Variants in PSMD13 observed in about 807,000 individuals in gnomAD.
PSMD13 encodes the protein proteasome 26S subunit, non-ATPase 13, also known as 26S proteasome non-ATPase regulatory subunit 13.
Under a neutral mutation model 57.4 loss-of-function variants are expected in PSMD13, and 8 were observed. That is an observed-to-expected ratio of 0.14 (90% confidence interval 0.08 to 0.25). PSMD13 has a LOEUF of 0.25. Among genes scored for constraint, PSMD13 ranks in the 10% least tolerant of loss-of-function variants. The pLI is 1.00. For synonymous variants in PSMD13, 193 were observed against 168.2 expected (o/e 1.15, Z -1.14); for missense variants, 400 against 461.5 (o/e 0.87, Z 1.22).
intron 9 of PSMD13, among the ~76,000 whole-genome samples, chr11:249,736 T>C (rs1227477147): frequency 2.0e-5 from 3 of 152,158 alleles, no homozygotes; most frequent in Admixed American, 1.3e-4. Context: ...CAACAAGGGC[T>C]TGAGCTTTAA....
chr11:251,556 C>T lies in PSMD13; in HGVS notation c.848C>T (p.Thr283Ile), dbSNP rs1300883920. The change falls in exon 11 of 13, where the codon ACA (threonine) becomes ATA (isoleucine). Residue 283 changes from threonine (T) to isoleucine (I), a missense_variant. Physicochemically the swap from Thr to Ile is moderately conservative, Grantham distance 89. Transcript: ENST00000532097. This position sits in a 1 kb window ranked among gnomAD's most constrained non-coding sequence, Gnocchi z 4.6. ...QLLCLMEMTF[T>I]RPANHRQLTF... ...TAAAATTTTTTCCAGATGACTTTCACACGACCTGCCAATCACAGACAACTC... is the reference window on the plus strand; with the variant it reads ...TAAAATTTTTTCCAGATGACTTTCATACGACCTGCCAATCACAGACAACTC... 2 of 1,613,312 alleles carry T rather than the reference C, an allele frequency of 1.2e-6. No homozygotes were observed. The highest frequency in any genetic ancestry group is 1.7e-6 in the Non-Finnish European group (2 of 1,179,536).
At chr11:243,629 G>A in intron 2 of PSMD13, 2 of 372,604 alleles carry the variant, frequency 5.4e-6, no homozygotes, top group Non-Finnish European at 1.0e-5. Context: ...GGACCACACG[G>A]CAGCGCAGGC....
chr11:241,793 TCA>T (rs1412571199), intron 2 of PSMD13, among the ~76,000 whole-genome samples: 1 of 152,204 alleles, frequency 6.6e-6, no homozygotes, highest in African/African-American at 2.4e-5. Context: ...CTGTTCTCTC[TCA>T]GTCTCTTTCA....
chr11:251,470 T>C lies in PSMD13; in HGVS notation c.838-76T>C. 1.5e-6 allele frequency: 2 copies of C among 1,307,424 alleles called. No individual in the cohort carries two copies. The highest frequency in any genetic ancestry group is 2.1e-6 in the Non-Finnish European group (2 of 934,000). The allele number at this position is 1,307,424 out of a possible 1,614,324, so 81.0% of individuals were successfully genotyped here. On this transcript the variant is annotated intron_variant, in intron 10 of 12. Transcript: ENST00000532097. The surrounding 1 kb of genome is among the most constrained non-coding windows in gnomAD (Gnocchi z 4.6). ...AAGATCTCTATTTTCAGAGCCAATA[T>C]TGACAAAACATCCTTATCAGTTCTC...
Position 251,515 on chromosome 11 carries a change from A to G in PSMD13, c.838-31A>G, listed in dbSNP as rs1454804576. ...GTTCTCTATTTTTATTTGGAAAAATAGTTTAAAATAGTTAATAAAATTTTT... is the reference window on the plus strand; with the variant it reads ...GTTCTCTATTTTTATTTGGAAAAATGGTTTAAAATAGTTAATAAAATTTTT... On this transcript the variant is annotated intron_variant, in intron 10 of 12. Coordinates refer to ENST00000532097, the MANE Select transcript of PSMD13 (RefSeq NM_002817.4). This position sits in a 1 kb window ranked among gnomAD's most constrained non-coding sequence, Gnocchi z 4.6. 2.6e-6 allele frequency: 4 copies of G among 1,532,784 alleles called. No homozygotes were observed. The highest frequency in any genetic ancestry group is 3.6e-6 in the Non-Finnish European group (4 of 1,114,220). 94.9% of individuals were successfully genotyped at this position (1,532,784 alleles called of 1,614,324 possible).
chr11:251,995 C>A lies in PSMD13; in HGVS notation c.1035+59C>A. On this transcript the variant is annotated intron_variant, in intron 12 of 12. Coordinates refer to ENST00000532097, the MANE Select transcript of PSMD13 (RefSeq NM_002817.4). This position sits in a 1 kb window ranked among gnomAD's most constrained non-coding sequence, Gnocchi z 4.6. ...GGATTTTGAGGGGTTGTGTCTATAC[C>A]GTCTTAGTTTCATTTGGATGGAAGC... is the stretch of plus-strand genomic sequence containing the variant. The A allele has an allele frequency of 6.8e-7, 1 of 1,472,944 alleles. No individual in the cohort carries two copies. Among genetic ancestry groups the A allele is most frequent in the South Asian group, 1.2e-5 (1 of 84,108 alleles). The allele number at this position is 1,472,944 out of a possible 1,614,324, so 91.2% of individuals were successfully genotyped here. A position where few individuals can be genotyped will look rare whatever the true frequency, so the allele number is the denominator to read the frequency against.
chr11:238,502 C>T (rs931296701), intron 1 of PSMD13, among the ~76,000 whole-genome samples: 1 of 152,172 alleles, frequency 6.6e-6, no homozygotes, highest in African/African-American at 2.4e-5. Flanking sequence ...TTTAGTATCC[C>T]TTATCAGAAA....
rs955257418 is a variant in PSMD13 at position 251,698 on chromosome 11, C to T, written c.918+72C>T. The T allele has an allele frequency of 5.8e-6, 9 of 1,543,588 alleles. No homozygotes were observed. Among genetic ancestry groups the T allele is most frequent in the East Asian group, 2.2e-5 (1 of 44,500 alleles). On this transcript the variant is annotated intron_variant, in intron 11 of 12. Transcript: ENST00000532097. This position sits in a 1 kb window ranked among gnomAD's most constrained non-coding sequence, Gnocchi z 4.6. ...GGAGGAGTCAAGGCTCTTGTGTGAGCGCTGTGCTCCCTAGACAGTAAAAAA... is the reference window on the plus strand; with the variant it reads ...GGAGGAGTCAAGGCTCTTGTGTGAGTGCTGTGCTCCCTAGACAGTAAAAAA...
At chr11:243,283 G>T in intron 2 of PSMD13, 4 of 421,764 alleles carry the variant, frequency 9.5e-6, no homozygotes, top group South Asian at 2.1e-5. Context: ...GCTGGGCCCA[G>T]ATTCTGCTTT....
intron 2 of PSMD13, among the ~76,000 whole-genome samples, chr11:241,645 T>C (rs143125283): frequency 1.3e-5 from 2 of 152,160 alleles, no homozygotes; most frequent in Admixed American, 1.3e-4. Context: ...CAGGGGTTAT[T>C]GTCAGCTCTC....
Position 250,877 on chromosome 11 carries a change from C to T in PSMD13, c.837+12C>T, listed in dbSNP as rs12793187. On this transcript the variant is annotated intron_variant, in intron 10 of 12. Coordinates refer to ENST00000532097, the MANE Select transcript of PSMD13 (RefSeq NM_002817.4). ...TGTGCCTCATGGAGGTAAGCGAACACCCAGGAGCCACTTTGTCTGTGGTTT... is the reference window on the plus strand; with the variant it reads ...TGTGCCTCATGGAGGTAAGCGAACATCCAGGAGCCACTTTGTCTGTGGTTT... 281,377 of 1,611,252 alleles carry T rather than the reference C, an allele frequency of 0.17. 27,839 individuals carry two copies. The highest frequency in any genetic ancestry group is 0.2 in the Non-Finnish European group (240,618 of 1,178,290).
At position 244,683 on chromosome 11, in the gene PSMD13, T is replaced by C; in HGVS notation, c.318T>C (p.Ser106=). 6.2e-7 allele frequency: 1 copy of C among 1,612,116 alleles called. No individual in the cohort carries two copies. Among genetic ancestry groups the C allele is most frequent in the Non-Finnish European group, 8.5e-7 (1 of 1,179,432 alleles). ...FLEKTREKVK[S]SDEAVILCKT... ...TGTTTTTGATGTCTTAGGTGAAAAG[T>C]AGTGATGAGGCAGTGATCCTGTGTA... Residue 106 remains serine (S), a synonymous_variant, in exon 6 of 13, where the codon AGT becomes AGC. Transcript: ENST00000532097.
rs761955855 is a variant in PSMD13, at chr11:244,771, C to T, written c.396+10C>T. ...CCTACAGGTTACAAAGGTGAGATCA[C>T]CATAATACAGATTTATCTTTGGTTT... On this transcript the variant is annotated intron_variant, in intron 6 of 12. Transcript: ENST00000532097. The T allele has an allele frequency of 6.4e-7, 1 of 1,560,626 alleles. No individual in the cohort carries two copies. The highest frequency in any genetic ancestry group is 1.2e-5 in the South Asian group (1 of 85,038).
intron 7 of PSMD13, chr11:248,000 C>T (rs997155116): frequency 6.5e-6 from 1 of 152,790 alleles, no homozygotes; most frequent in Non-Finnish European, 1.5e-5. Flanking sequence ...TCTCCAGTCC[C>T]TCACTGTTAC....
chr11:248,073 A>AC (rs1221100016), intron 7 of PSMD13: 1 of 88,074 alleles, frequency 1.1e-5, no homozygotes, highest in South Asian at 5.1e-4. Context: ...CTCCCCGCCC[A>AC]CCCCTCTGCT....
chr11:249,580 GC>G (rs1392260425), intron 9 of PSMD13, among the ~76,000 whole-genome samples: 8 of 95,704 alleles, frequency 8.4e-5, no homozygotes, highest in Non-Finnish European at 1.3e-4. Context: ...GAGGGGGAGA[GC>G]GGCGGGTGCG....
Position 252,039 on chromosome 11 carries a change from T to G in PSMD13, c.1035+103T>G. 1 of 1,088,240 alleles carries G rather than the reference T, an allele frequency of 9.2e-7. No individual in the cohort carries two copies. Among genetic ancestry groups the G allele is most frequent in the Non-Finnish European group, 1.4e-6 (1 of 737,470 alleles). 67.4% of individuals were successfully genotyped at this position (1,088,240 alleles called of 1,614,324 possible). On this transcript the variant is annotated intron_variant, in intron 12 of 12. Coordinates refer to ENST00000532097, the MANE Select transcript of PSMD13 (RefSeq NM_002817.4). The surrounding 1 kb of genome is among the most constrained non-coding windows in gnomAD (Gnocchi z 4.1). ...TGGAAGCCATTTGGGAAGACAGCATTATTAGACAAGAGGTTTTGGAGAAGG... is the reference window on the plus strand; with the variant it reads ...TGGAAGCCATTTGGGAAGACAGCATGATTAGACAAGAGGTTTTGGAGAAGG...
intron 9 of PSMD13, 54 bp downstream of exon 9, chr11:249,111 A>G (rs1859716942): frequency 2.4e-5 from 39 of 1,598,442 alleles, no homozygotes; most frequent in Non-Finnish European, 1.6e-5. Flanking sequence ...ACTCGCTCAT[A>G]CAACAGATGT....
chr11:250,635 A>T (rs1418281971), intron 9 of PSMD13, 168 bp from the exon 10 acceptor site: 1 of 592,844 alleles, frequency 1.7e-6, no homozygotes, highest in African/African-American at 1.9e-5. Context: ...AATGAAGCTC[A>T]GATCACTTGT....
Sources: allele counts gnomAD v4.1 joint callset (sites outside exome capture counted in the v4.1 genomes callset), GRCh38; gene constraint gnomAD v4.1.1; non-coding constraint Gnocchi (gnomAD v3.1); transcripts MANE v1.5; gene names NCBI Gene and HGNC (gene_info 2026-07-23, HGNC 2026-07-21).